Variants in IFT43 observed in about 807,000 individuals in gnomAD.
The protein encoded by IFT43 is intraflagellar transport 43.
In IFT43, 33 loss-of-function variants were observed where a neutral mutation model predicts 32.3. The ratio of observed to expected loss-of-function variants is 1.02; its 90% CI spans 0.77 to 1.37. The LOEUF (loss-of-function observed/expected upper bound fraction) is 1.37, where lower values mean the gene tolerates loss of function less well. Among genes scored for constraint, IFT43 ranks in the 40% most tolerant of loss-of-function variants. The probability of loss-of-function intolerance (pLI) is 0.00; values close to 1 mark genes in which losing one functional copy is unlikely to be tolerated. For synonymous variants in IFT43, 93 were observed against 98.2 expected (o/e 0.95, Z 0.31); for missense variants, 274 against 265.9 (o/e 1.03, Z -0.21).
In IFT43 at chr14:76,041,539, C is replaced by T. The variant is rs375772158; in HGVS notation, c.216-17103C>T. Among the ~76,000 whole-genome samples, 181 of 152,318 alleles carry T rather than the reference C, an allele frequency of 1.2e-3. 5 individuals are homozygous for T. The South Asian group carries it at 0.035, about 30-fold the overall frequency. On this transcript the variant is annotated intron_variant, in intron 3 of 8. Transcript: ENST00000314067. ...CTGGGGAACTTGGTAGAAACAGCCC[C>T]ACTGATTCTGTTTTTTAATAAAGTC...
chr14:76,078,184 TG>T (rs1194019037), intron 5 of IFT43, among the ~76,000 whole-genome samples: 5 of 152,332 alleles, frequency 3.3e-5, no homozygotes, highest in African/African-American at 1.2e-4. Flanking sequence ...CAAATAAATA[TG>T]AAAAAATCGT....
At chr14:75,992,263 A>G (rs966516879) in intron 2 of IFT43, among the ~76,000 whole-genome samples, 2 of 152,212 alleles carry the variant, frequency 1.3e-5, no homozygotes, top group Admixed American at 6.5e-5. Flanking sequence ...TCTCCATTTC[A>G]TTATCTGTCA....
intron 4 of IFT43, 160 bp from the exon 5 acceptor site, chr14:76,059,167 C>T (rs1298470690): frequency 6.4e-7 from 1 of 1,555,384 alleles, no homozygotes; most frequent in Non-Finnish European, 8.7e-7. Flanking sequence ...ACACACGGCA[C>T]ACCCAGTGGC....
intron 2 of IFT43, among the ~76,000 whole-genome samples, chr14:76,017,896 G>A (rs1244587848): frequency 2.0e-5 from 3 of 151,756 alleles, no homozygotes; most frequent in African/African-American, 4.8e-5. Flanking sequence ...CAGTTGTAAT[G>A]TCTCTTTTCT....
intron 2 of IFT43, among the ~76,000 whole-genome samples, chr14:76,001,949 T>TA (rs1325169164): frequency 2.6e-5 from 4 of 152,286 alleles, no homozygotes; most frequent in African/African-American, 9.6e-5. Context: ...AACCACCTCT[T>TA]AAAAATCCCA....
intron 2 of IFT43, among the ~76,000 whole-genome samples, chr14:75,994,475 T>A (rs2035704528): frequency 6.6e-6 from 1 of 152,228 alleles, no homozygotes; most frequent in Non-Finnish European, 1.5e-5. Context: ...TTGGAGTAGA[T>A]TGGAGTTGTG....
At chr14:76,023,530 G>A (rs937082055) in intron 3 of IFT43, among the ~76,000 whole-genome samples, 3 of 152,210 alleles carry the variant, frequency 2.0e-5, no homozygotes, top group Non-Finnish European at 4.4e-5. Context: ...AAATGAATTC[G>A]TATGTGTAAA....
At chr14:76,017,527 G>C (rs1024695692) in intron 2 of IFT43, among the ~76,000 whole-genome samples, 3 of 151,986 alleles carry the variant, frequency 2.0e-5, no homozygotes, top group African/African-American at 7.2e-5. Flanking sequence ...TGTGGTGGTT[G>C]TGTCCTTATC....
intron 2 of IFT43, among the ~76,000 whole-genome samples, chr14:75,994,151 TAA>T (rs746274501): frequency 6.6e-6 from 1 of 151,664 alleles, no homozygotes; most frequent in African/African-American, 2.4e-5. Context: ...TATTTTAGCT[TAA>T]AAAAAATGTA....
intron 5 of IFT43, among the ~76,000 whole-genome samples, chr14:76,078,718 C>T (rs1027479989): frequency 4.6e-5 from 7 of 152,214 alleles, no homozygotes; most frequent in African/African-American, 1.7e-4. Context: ...AGCAGTGCGG[C>T]CGTGTGACGG....
At chr14:75,986,008 C>A in intron 1 of IFT43, 168 bp downstream of exon 1, 2 of 1,526,612 alleles carry the variant, frequency 1.3e-6, no homozygotes, top group Non-Finnish European at 1.8e-6. Flanking sequence ...CCACTGTGGG[C>A]TCCGCCGCTG....
Position 76,076,096 on chromosome 14 carries a change from G to C in IFT43, c.296-6199G>C, listed in dbSNP as rs550289648. ...TGTGTATGGTGGATATGAGCCTTGAGCAGCCTGTGAGTGCTCTGCAGTGGC... is the reference window on the plus strand; with the variant it reads ...TGTGTATGGTGGATATGAGCCTTGACCAGCCTGTGAGTGCTCTGCAGTGGC... On this transcript the variant is annotated intron_variant, in intron 5 of 8. Coordinates refer to ENST00000314067, the MANE Select transcript of IFT43 (RefSeq NM_001102564.3). Among the ~76,000 whole-genome samples, 8 of 152,346 alleles carry C rather than the reference G, an allele frequency of 5.3e-5. No individual in the cohort carries two copies. The South Asian group carries it at 1.7e-3, about 32-fold the overall frequency.
At chr14:76,040,841 C>T (rs2036692831) in intron 3 of IFT43, among the ~76,000 whole-genome samples, 1 of 152,144 alleles carries the variant, frequency 6.6e-6, no homozygotes, top group Non-Finnish European at 1.5e-5. Context: ...ACCCGATCCC[C>T]TAGGGAGGTG....
chr14:76,022,371 A>G lies in IFT43; in HGVS notation c.192A>G (p.Ala64=). ...CTCGCTGCCGACAGGGAGGCTGGGC[A>G]GGTGATTCCGTGAAGGCTTCGAAGT... is the stretch of plus-strand genomic sequence containing the variant. The part of the protein sequence containing the change: ...KLPRCRQGGW[A]GDSVKASKFR... The change falls in exon 3 of 9, where the codon GCA becomes GCG. Residue 64 remains alanine (A), a synonymous_variant. Transcript: ENST00000314067. The G allele has an allele frequency of 6.2e-7, 1 of 1,612,318 alleles. No individual in the cohort carries two copies. The highest frequency in any genetic ancestry group is 8.5e-7 in the Non-Finnish European group (1 of 1,178,584).
chr14:76,042,529 C>G (rs2036726488), intron 3 of IFT43, among the ~76,000 whole-genome samples: 1 of 152,210 alleles, frequency 6.6e-6, no homozygotes, highest in Non-Finnish European at 1.5e-5. Context: ...TGACCTAAGC[C>G]CTTCCTAGCA....
rs544119855 is a variant in IFT43, at chr14:76,032,535, C to T, written c.215+10141C>T. On this transcript the variant is annotated intron_variant, in intron 3 of 8. Coordinates refer to ENST00000314067, the MANE Select transcript of IFT43 (RefSeq NM_001102564.3). The stretch of plus-strand genomic sequence containing the variant: ...GCCTGCTTTATTTACTGCCACCTGA[C>T]ATATCCACATGCATGCATACATATT... Among the ~76,000 whole-genome samples the T allele has an allele frequency of 2.6e-4, 39 of 152,320 alleles. 1 individual carries two copies. The South Asian group carries it at 6.2e-3, about 24-fold the overall frequency.
At chr14:76,007,797 G>A (rs372238653) in intron 2 of IFT43, among the ~76,000 whole-genome samples, 3 of 152,284 alleles carry the variant, frequency 2.0e-5, no homozygotes, top group East Asian at 3.9e-4. Flanking sequence ...GTCTTTATAA[G>A]TGTCTGAAAG....
intron 2 of IFT43, among the ~76,000 whole-genome samples, chr14:76,002,566 G>T (rs1199992828): frequency 6.6e-6 from 1 of 152,174 alleles, no homozygotes; most frequent in African/African-American, 2.4e-5. Flanking sequence ...GGAACCACAA[G>T]GCTAAACATT....
chr14:76,006,283 G>A (rs946501418), intron 2 of IFT43, among the ~76,000 whole-genome samples: 1 of 152,198 alleles, frequency 6.6e-6, no homozygotes, highest in Non-Finnish European at 1.5e-5. Flanking sequence ...TTCAAGGGCA[G>A]GAGTGGGGAG....
Sources: gnomAD v4.1 joint callset for allele counts (sites outside exome capture counted in the v4.1 genomes callset) on GRCh38, gnomAD v4.1.1 for gene constraint, MANE v1.5 for transcripts, NCBI Gene and HGNC (gene_info 2026-07-23, HGNC 2026-07-21) for gene names.